Variants in LOC128462377 observed in about 807,000 individuals in gnomAD.
chr16:89,388,655 C>A, the LOC128462377 span, among the ~76,000 whole-genome samples: 5 of 152,126 alleles, frequency 3.3e-5, no homozygotes, highest in Non-Finnish European at 7.4e-5. Context: ...AGAGCAGGAG[C>A]CCTGCGATGA....
At chr16:89,408,030 T>C in the LOC128462377 span, among the ~76,000 whole-genome samples, 1 of 152,076 alleles carries the variant, frequency 6.6e-6, no homozygotes, top group Non-Finnish European at 1.5e-5. Context: ...ACAGCTGCCA[T>C]GCAGTGGTAG....
chr16:89,319,237 G>A, the LOC128462377 span, among the ~76,000 whole-genome samples: 15 of 152,156 alleles, frequency 9.9e-5, no homozygotes, highest in Non-Finnish European at 2.2e-4. Context: ...GCCTCCGGAC[G>A]GTGTCTGGGC....
At chr16:89,402,036 G>A in the LOC128462377 span, among the ~76,000 whole-genome samples, 2 of 150,882 alleles carry the variant, frequency 1.3e-5, no homozygotes, top group Admixed American at 1.3e-4. Context: ...GAAAGCTCCT[G>A]GTCTGTGGTG....
At chr16:89,320,102 G>A in the LOC128462377 span, 3 of 152,388 alleles carry the variant, frequency 2.0e-5, no homozygotes, top group East Asian at 1.9e-4. Context: ...ACTCATGGGT[G>A]TTGTCTGAGG....
At chr16:89,397,152 C>CA in the LOC128462377 span, among the ~76,000 whole-genome samples, 68 of 152,254 alleles carry the variant, frequency 4.5e-4, no homozygotes, top group African/African-American at 1.6e-3. Context: ...CAGACATACC[C>CA]ACAGAGCCAG....
chr16:89,330,354 T>C, the LOC128462377 span, among the ~76,000 whole-genome samples: 11 of 151,842 alleles, frequency 7.2e-5, no homozygotes, highest in South Asian at 2.3e-3. Flanking sequence ...GTGAGTCAGG[T>C]GCTAGGGGAG....
At chr16:89,334,173 A>AAAAAAAAAAAAAAAAAC in the LOC128462377 span, among the ~76,000 whole-genome samples, 1 of 148,826 alleles carries the variant, frequency 6.7e-6, no homozygotes, top group African/African-American at 2.5e-5. Context: ...AAAAAAAAAA[A>AAAAAAAAAAAAAAAAAC]CAGAGAGAGA....
the LOC128462377 span, among the ~76,000 whole-genome samples, chr16:89,364,838 C>A: frequency 1.2e-4 from 19 of 152,196 alleles, no homozygotes; most frequent in Non-Finnish European, 5.9e-5. Flanking sequence ...GCACCACGGC[C>A]AACCTGATCC....
the LOC128462377 span, among the ~76,000 whole-genome samples, chr16:89,406,846 G>A: frequency 1.4e-4 from 21 of 152,318 alleles, no homozygotes; most frequent in Admixed American, 5.2e-4. Context: ...GAATATGGAA[G>A]GGGAAAAGGA....
the LOC128462377 span, among the ~76,000 whole-genome samples, chr16:89,318,790 T>C: frequency 1.3e-5 from 2 of 152,226 alleles, no homozygotes; most frequent in Admixed American, 6.5e-5. Flanking sequence ...GAAGTTATTC[T>C]GGAGAGAGGG....
chr16:89,353,868 C>G, the LOC128462377 span, among the ~76,000 whole-genome samples: 7 of 152,330 alleles, frequency 4.6e-5, no homozygotes, highest in East Asian at 7.7e-4. Flanking sequence ...ACACCCGAAA[C>G]AAGACAGAGC....
the LOC128462377 span, among the ~76,000 whole-genome samples, chr16:89,392,133 A>G: frequency 3.3e-5 from 5 of 152,210 alleles, no homozygotes; most frequent in Admixed American, 1.3e-4. Context: ...AACCGGACAC[A>G]GCAGTTGGTA....
the LOC128462377 span, among the ~76,000 whole-genome samples, chr16:89,322,277 TC>T: frequency 1.3e-5 from 2 of 152,188 alleles, no homozygotes; most frequent in African/African-American, 2.4e-5. Context: ...CTCCGAAGAC[TC>T]CCAGAGAGAA....
the LOC128462377 span, among the ~76,000 whole-genome samples, chr16:89,381,036 A>C: frequency 6.6e-6 from 1 of 152,202 alleles, no homozygotes; most frequent in African/African-American, 2.4e-5. Context: ...AGGGATGAGA[A>C]GGGCGGCTGG....
chr16:89,324,797 CT>C, the LOC128462377 span: 1 of 290,384 alleles, frequency 3.4e-6, no homozygotes, highest in Non-Finnish European at 6.8e-6. Context: ...GGCTTCCCGA[CT>C]TTTGAGGTTT....
the LOC128462377 span, among the ~76,000 whole-genome samples, chr16:89,387,229 TA>T: frequency 8.9e-3 from 1,229 of 138,850 alleles, 5 homozygotes; most frequent in African/African-American, 0.021. Context: ...AGTGCCAAGT[TA>T]AAAAAAAAAA....
the LOC128462377 span, chr16:89,324,333 G>T: frequency 1.7e-6 from 2 of 1,197,944 alleles, no homozygotes; most frequent in Admixed American, 4.6e-5. Flanking sequence ...TCGGGGCGAC[G>T]TGGGTGCCTC....
the LOC128462377 span, among the ~76,000 whole-genome samples, chr16:89,334,778 C>T: frequency 6.6e-6 from 1 of 152,112 alleles, no homozygotes; most frequent in African/African-American, 2.4e-5. Flanking sequence ...GCAAAAAGCC[C>T]ACCCACGTGT....
chr16:89,382,388 C>T, the LOC128462377 span, among the ~76,000 whole-genome samples: 1 of 151,936 alleles, frequency 6.6e-6, no homozygotes, highest in African/African-American at 2.4e-5. Flanking sequence ...GGCAATGGTG[C>T]AATCTCGGCT....
Sources: gnomAD v4.1 joint callset for allele counts (sites outside exome capture counted in the v4.1 genomes callset) on GRCh38, gnomAD v4.1.1 for gene constraint, MANE v1.5 for transcripts.